Variants in MYL10 observed in about 807,000 individuals in gnomAD.
MYL10 encodes the protein myosin regulatory light chain 10.
Under a neutral mutation model 21.9 loss-of-function variants are expected in MYL10, and 18 were observed. The observed-to-expected ratio is 0.82, with a 90% CI of 0.57 to 1.22. The LOEUF (loss-of-function observed/expected upper bound fraction) is 1.22, where lower values mean the gene tolerates loss of function less well. Ranked by LOEUF, MYL10 falls within the 50% of genes most tolerant of loss-of-function variation. MYL10 has a pLI of 0.00. For missense variants in MYL10, 225 were observed against 230.4 expected (o/e 0.98, Z 0.15); for synonymous variants, 88 against 82.8 (o/e 1.06, Z -0.34).
At chr7:101,626,579 A>T (rs1385989742) in intron 1 of MYL10, among the ~76,000 whole-genome samples, 1 of 152,178 alleles carries the variant, frequency 6.6e-6, no homozygotes, top group South Asian at 2.1e-4. Context: ...AGGAACCCAG[A>T]GCAAGCCCTG....
intron 5 of MYL10, among the ~76,000 whole-genome samples, chr7:101,621,474 C>T (rs1796676773): frequency 6.6e-6 from 1 of 152,132 alleles, no homozygotes; most frequent in Non-Finnish European, 1.5e-5. Flanking sequence ...CCTATACCCC[C>T]AGCCCCATGT....
At chr7:101,623,836 T>A (rs1238658483) in intron 3 of MYL10, 84 bp downstream of exon 3, 1 of 221,800 alleles carries the variant, frequency 4.5e-6, no homozygotes, top group Non-Finnish European at 9.0e-6. Context: ...CAGACCAGCC[T>A]GGCCAACATG....
intron 5 of MYL10, 79 bp from the exon 6 acceptor site, chr7:101,616,377 G>T: frequency 3.5e-6 from 4 of 1,153,834 alleles, no homozygotes; most frequent in Admixed American, 3.8e-5. Context: ...CTGGGCAGGG[G>T]CTGGGGCTGG....
At chr7:101,621,201 T>G (rs180697670) in intron 5 of MYL10, among the ~76,000 whole-genome samples, 1 of 152,020 alleles carries the variant, frequency 6.6e-6, no homozygotes, top group East Asian at 1.9e-4. Context: ...CTCCACCCCA[T>G]GCCTAATGCT....
At chr7:101,625,828 G>T (rs1796739134) in intron 1 of MYL10, among the ~76,000 whole-genome samples, 1 of 152,102 alleles carries the variant, frequency 6.6e-6, no homozygotes. Context: ...AATAAAAAAT[G>T]ATCACTTCCG....
chr7:101,615,979 G>A (rs956310202), intron 6 of MYL10, among the ~76,000 whole-genome samples: 5 of 152,074 alleles, frequency 3.3e-5, no homozygotes, highest in Non-Finnish European at 4.4e-5. Context: ...GATTACAGGC[G>A]TGAGCCACCG....
chr7:101,620,681 G>A (rs35360785), intron 5 of MYL10, among the ~76,000 whole-genome samples: 47,220 of 151,968 alleles, frequency 0.31, 7,803 homozygotes, highest in Middle Eastern at 0.4. Flanking sequence ...CCTAGCCAAG[G>A]CAGGGGGTTC....
intron 1 of MYL10, among the ~76,000 whole-genome samples, chr7:101,626,591 G>A (rs6971231): frequency 0.032 from 4,895 of 152,252 alleles, 144 homozygotes; most frequent in East Asian, 0.1. Context: ...CAAGCCCTGC[G>A]TCACATGAGG....
chr7:101,616,109 C>A (rs1796606188), intron 6 of MYL10, 111 bp downstream of exon 6: 1 of 810,746 alleles, frequency 1.2e-6, no homozygotes, highest in Middle Eastern at 2.7e-4. Flanking sequence ...TGGGCAGCGG[C>A]CCCCCAGCTC....
intron 5 of MYL10, among the ~76,000 whole-genome samples, chr7:101,617,764 G>T (rs1027998115): frequency 6.6e-6 from 1 of 151,656 alleles, no homozygotes; most frequent in Non-Finnish European, 1.5e-5. Flanking sequence ...AGGGTCATCT[G>T]TGCCTCTCCC....
chr7:101,621,996 T>A (rs560191002), intron 5 of MYL10, 100 bp downstream of exon 5: 1 of 888,690 alleles, frequency 1.1e-6, no homozygotes, highest in East Asian at 2.6e-5. Context: ...CACATCATGC[T>A]CCCACCTGTG....
rs376427223 is a variant in MYL10, at chr7:101,621,918, C to T, written c.454+178G>A. 1.4e-4 allele frequency among the ~76,000 whole-genome samples: 21 copies of T among 152,276 alleles called. No homozygotes were observed. In the East Asian group the frequency reaches 2.5e-3, roughly 18 times the overall value. On this transcript the variant is annotated intron_variant, in intron 5 of 7. Transcript: ENST00000223167. ...GGGTCTTTATAGTTACCCCAGTCTG[C>T]GGTGAAGAGAGGGAAACCGAGGCAG...
intron 1 of MYL10, among the ~76,000 whole-genome samples, chr7:101,626,956 TCAGAATCACACA>T (rs1796753429): frequency 6.6e-6 from 1 of 151,814 alleles, no homozygotes; most frequent in African/African-American, 2.4e-5. Context: ...GAGGTGAAGG[TCAGAATCACACA>T]CAGAGTCAAG....
intron 5 of MYL10, among the ~76,000 whole-genome samples, chr7:101,620,786 T>A (rs1335385804): frequency 3.3e-5 from 5 of 149,904 alleles, no homozygotes; most frequent in Non-Finnish European, 7.4e-5. Flanking sequence ...TCCTTTTTTT[T>A]TTTTTTTTCT....
intron 5 of MYL10, 134 bp from the exon 6 acceptor site, chr7:101,616,432 C>T: frequency 1.6e-6 from 1 of 644,352 alleles, no homozygotes; most frequent in East Asian, 2.7e-5. Flanking sequence ...CTCTGGGGAA[C>T]TTCTTCCCCA....
At chr7:101,619,785 G>C (rs1167264558) in intron 5 of MYL10, among the ~76,000 whole-genome samples, 1 of 149,004 alleles carries the variant, frequency 6.7e-6, no homozygotes, top group African/African-American at 2.5e-5. Context: ...AGTTACTTGG[G>C]AACCTAAGGC....
chr7:101,626,132 T>G (rs1222637422), intron 1 of MYL10, among the ~76,000 whole-genome samples: 2 of 152,242 alleles, frequency 1.3e-5, no homozygotes, highest in Non-Finnish European at 2.9e-5. Context: ...CACCCGGATC[T>G]GGGTTCAAAG....
chr7:101,624,659 T>C (rs1796724234), intron 1 of MYL10, among the ~76,000 whole-genome samples: 1 of 152,132 alleles, frequency 6.6e-6, no homozygotes, highest in Non-Finnish European at 1.5e-5. Context: ...TTCTTCGTGT[T>C]CTCAGGAGAA....
intron 6 of MYL10, among the ~76,000 whole-genome samples, chr7:101,614,401 C>A (rs914388814): frequency 6.6e-6 from 1 of 152,248 alleles, no homozygotes; most frequent in African/African-American, 2.4e-5. Flanking sequence ...AAGCCGGGGA[C>A]TTTTCACAGA....
Sources: allele counts gnomAD v4.1 joint callset (sites outside exome capture counted in the v4.1 genomes callset), GRCh38; gene constraint gnomAD v4.1.1; transcripts MANE v1.5; gene names NCBI Gene and HGNC (gene_info 2026-07-23, HGNC 2026-07-21).